The following UGT1A10 variants were observed in gnomAD, a reference collection of about 807,000 sequenced individuals.
UGT1A10 encodes the protein UDP-glucuronosyltransferase 1A10.
A neutral mutation model predicts 45.8 loss-of-function variants in UGT1A10; 49 were observed. The ratio of observed to expected loss-of-function variants is 1.07; its 90% CI spans 0.85 to 1.36. The LOEUF (loss-of-function observed/expected upper bound fraction) is 1.36, where lower values mean the gene tolerates loss of function less well. UGT1A10 is among the 40% of genes most tolerant of loss of function. The pLI is 0.00. For missense variants in UGT1A10, 745 were observed against 668.6 expected (o/e 1.11, Z -1.26); for synonymous variants, 284 against 249.7 (o/e 1.14, Z -1.29).
intron 1 of UGT1A10, among the ~76,000 whole-genome samples, chr2:233,717,241 CA>C (rs2076559700): frequency 6.6e-6 from 1 of 152,144 alleles, no homozygotes; most frequent in African/African-American, 2.4e-5. Context: ...AAGATGCAGA[CA>C]GTTTTAAGGG....
chr2:233,761,233 T>G, intron 1 of UGT1A10: 1 of 1,613,114 alleles, frequency 6.2e-7, no homozygotes, highest in South Asian at 1.1e-5. Flanking sequence ...CCCAGATATA[T>G]GCTGAGCAAG....
At chr2:233,747,626 C>T (rs546895525) in intron 1 of UGT1A10, 3 of 1,577,388 alleles carry the variant, frequency 1.9e-6, no homozygotes, top group Admixed American at 1.7e-5. Flanking sequence ...AGGCCCTGAT[C>T]AGGCACCTGA....
intron 1 of UGT1A10, among the ~76,000 whole-genome samples, chr2:233,717,043 C>A (rs2076542860): frequency 6.6e-6 from 1 of 152,158 alleles, no homozygotes; most frequent in Non-Finnish European, 1.5e-5. Context: ...ATACATGGGC[C>A]TCCGCAGGGT....
intron 1 of UGT1A10, among the ~76,000 whole-genome samples, chr2:233,652,629 G>C (rs1468911916): frequency 6.6e-6 from 1 of 152,164 alleles, no homozygotes; most frequent in Non-Finnish European, 1.5e-5. Context: ...TGTACATGCA[G>C]ATCAGTAGAA....
intron 1 of UGT1A10, among the ~76,000 whole-genome samples, chr2:233,744,175 A>C (rs1324245746): frequency 1.3e-5 from 2 of 151,870 alleles, no homozygotes; most frequent in African/African-American, 4.9e-5. Flanking sequence ...TCCGGCCTCC[A>C]ACCAGCCATG....
intron 1 of UGT1A10, among the ~76,000 whole-genome samples, chr2:233,663,264 G>A (rs546818838): frequency 6.6e-6 from 1 of 152,310 alleles, no homozygotes; most frequent in East Asian, 1.9e-4. Context: ...AGAACTAGCC[G>A]TGTGGTAGAC....
chr2:233,690,373 G>A (rs1474964676), intron 1 of UGT1A10: 3 of 883,872 alleles, frequency 3.4e-6, no homozygotes, highest in Non-Finnish European at 4.6e-6. Context: ...CCTCTCCATA[G>A]GGTCCACGTT....
chr2:233,677,982 A>G (rs939472601), intron 1 of UGT1A10, among the ~76,000 whole-genome samples: 1 of 152,240 alleles, frequency 6.6e-6, no homozygotes. Flanking sequence ...TGGAATATGC[A>G]GCCATAAAAA....
intron 1 of UGT1A10, among the ~76,000 whole-genome samples, chr2:233,731,871 C>T (rs542174312): frequency 1.3e-5 from 2 of 152,330 alleles, no homozygotes; most frequent in South Asian, 4.1e-4. Flanking sequence ...CTGTCTTCCA[C>T]AATGGTTGAA....
At chr2:233,770,741 G>A (rs1433852574) in intron 4 of UGT1A10, 1 of 151,846 alleles carries the variant, frequency 6.6e-6, no homozygotes, top group Non-Finnish European at 1.5e-5. Flanking sequence ...CATGATTCAT[G>A]GCCAAGTACT....
rs993410565 is a variant in UGT1A10 at position 233,636,620 on chromosome 2, T to C, written c.98T>C (p.Met33Thr). The change falls in exon 1 of 5, where the codon ATG (methionine) becomes ACG (threonine). Residue 33 changes from methionine (M) to threonine (T), a missense_variant. Coordinates refer to ENST00000344644, the MANE Select transcript of UGT1A10 (RefSeq NM_019075.4). ...GCAGGGAAGCTGCTGGTAGTGCCCA[T>C]GGATGGGAGTCACTGGTTCACCATG... Reference protein sequence around the residue: ...AEAGKLLVVPMDGSHWFTMQS... With the variant: ...AEAGKLLVVPTDGSHWFTMQS... The C allele has an allele frequency of 6.2e-7, 1 of 1,614,152 alleles. No individual in the cohort carries two copies. The highest frequency in any genetic ancestry group is 8.5e-7 in the Non-Finnish European group (1 of 1,180,016).
chr2:233,719,531 G>A (rs377261801), intron 1 of UGT1A10: 2 of 1,613,928 alleles, frequency 1.2e-6, no homozygotes, highest in Admixed American at 1.7e-5. Flanking sequence ...TTGCCTCTGA[G>A]CTTTTTCAGA....
intron 1 of UGT1A10, chr2:233,689,803 A>G (rs1559343828): frequency 3.4e-5 from 15 of 438,062 alleles, no homozygotes; most frequent in Non-Finnish European, 5.4e-5. Flanking sequence ...TGTAGTTTCT[A>G]TAGGAAACCA....
intron 1 of UGT1A10, among the ~76,000 whole-genome samples, chr2:233,730,806 G>A (rs374048907): frequency 3.9e-5 from 6 of 152,118 alleles, no homozygotes; most frequent in Admixed American, 6.5e-5. Context: ...ATGGACATGC[G>A]TCCAAGAAGG....
intron 1 of UGT1A10, chr2:233,729,825 C>T (rs770263678): frequency 5.6e-6 from 9 of 1,613,784 alleles, no homozygotes; most frequent in African/African-American, 2.7e-5. Context: ...CTTATGCAAG[C>T]CTTGCCTCTG....
chr2:233,764,353 C>G (rs556692571), intron 1 of UGT1A10, among the ~76,000 whole-genome samples: 23 of 152,240 alleles, frequency 1.5e-4, no homozygotes, highest in Non-Finnish European at 2.8e-4. Flanking sequence ...CTTTATTGAG[C>G]CTCATAGTAG....
At chr2:233,661,042 T>C (rs2073952396) in intron 1 of UGT1A10, among the ~76,000 whole-genome samples, 1 of 152,194 alleles carries the variant, frequency 6.6e-6, no homozygotes, top group Non-Finnish European at 1.5e-5. Context: ...GGTATGCCTT[T>C]CTTATAACCA....
intron 1 of UGT1A10, chr2:233,712,961 G>A: frequency 6.2e-7 from 1 of 1,612,910 alleles, no homozygotes; most frequent in Non-Finnish European, 8.5e-7. Flanking sequence ...AACGTGGGGT[G>A]GACAGTCAGC....
At chr2:233,733,743 C>T (rs1444086929) in intron 1 of UGT1A10, among the ~76,000 whole-genome samples, 1 of 152,214 alleles carries the variant, frequency 6.6e-6, no homozygotes, top group Non-Finnish European at 1.5e-5. Context: ...CGATGTTCAT[C>T]AGGGATATTT....
Sources: gnomAD v4.1 joint callset for allele counts (sites outside exome capture counted in the v4.1 genomes callset) on GRCh38, gnomAD v4.1.1 for gene constraint, MANE v1.5 for transcripts, NCBI Gene and HGNC (gene_info 2026-07-23, HGNC 2026-07-21) for gene names.